FMN1: variants seen among roughly 807,000 people sequenced by gnomAD.
The protein encoded by FMN1 is formin-1.
FMN1 carries 110 observed loss-of-function variants against 132.4 expected under a neutral mutation model. The observed-to-expected ratio is 0.83, with a 90% confidence interval of 0.71 to 0.97. The LOEUF (loss-of-function observed/expected upper bound fraction) is 0.97, where lower values mean the gene tolerates loss of function less well. Among genes scored for constraint, FMN1 ranks in the 50% least tolerant of loss-of-function variants. The pLI, the probability that FMN1 is intolerant of heterozygous loss-of-function variation, is 0.00. For synonymous variants in FMN1, 722 were observed against 651.7 expected (o/e 1.11, Z -1.64); for missense variants, 1,792 against 1,705.3 (o/e 1.05, Z -0.90).
intron 7 of FMN1, among the ~76,000 whole-genome samples, chr15:32,993,482 G>T (rs1196045317): frequency 6.6e-6 from 1 of 152,082 alleles, no homozygotes; most frequent in Non-Finnish European, 1.5e-5. Context: ...ACTGCCCCCT[G>T]TCTACAGAGA....
At chr15:33,086,034 G>A (rs990468252) in intron 5 of FMN1, among the ~76,000 whole-genome samples, 1 of 152,048 alleles carries the variant, frequency 6.6e-6, no homozygotes, top group Non-Finnish European at 1.5e-5. Context: ...GGCGGATCAT[G>A]AGGCCAGGAG....
In FMN1 at chr15:32,899,762, T is replaced by C. The variant is rs1009357391; in HGVS notation, c.3654+217A>G. ...AGAGCACACGAAGATGGGAATTGAG[T>C]AATTGAAAATAAAGTCTAACGTGAA... is the stretch of plus-strand genomic sequence containing the variant. On this transcript the variant is annotated intron_variant, in intron 14 of 20. Transcript: ENST00000616417. The C allele has an allele frequency of 1.2e-5, 7 of 580,768 alleles. No individual in the cohort carries two copies. In the African/African-American group the frequency reaches 1.4e-4, roughly 12 times the overall value. 36.0% of individuals were successfully genotyped at this position (580,768 alleles called of 1,614,324 possible).
intron 4 of FMN1, among the ~76,000 whole-genome samples, chr15:33,100,556 A>T (rs1410039659): frequency 2.0e-5 from 3 of 152,204 alleles, no homozygotes; most frequent in Non-Finnish European, 2.9e-5. Context: ...AAAAAGAGGA[A>T]GAGAAGCAGT....
At chr15:32,918,004 CAT>C (rs2060726327) in intron 10 of FMN1, among the ~76,000 whole-genome samples, 1 of 152,056 alleles carries the variant, frequency 6.6e-6, no homozygotes, top group African/African-American at 2.4e-5. Context: ...GCTATTGCAA[CAT>C]ATGCAATGAA....
chr15:33,002,894 C>A (rs950724002), intron 7 of FMN1, among the ~76,000 whole-genome samples: 5 of 152,190 alleles, frequency 3.3e-5, no homozygotes, highest in African/African-American at 1.2e-4. Context: ...TTTAAAACTA[C>A]AGCTAAGTGT....
intron 3 of FMN1, among the ~76,000 whole-genome samples, chr15:33,161,927 A>C (rs906072794): frequency 2.8e-4 from 11 of 39,220 alleles, no homozygotes; most frequent in Admixed American, 8.7e-4. Flanking sequence ...CAAAAAACAA[A>C]AAAGAAAAAA....
At chr15:32,863,298 G>T (rs922809116) in intron 16 of FMN1, among the ~76,000 whole-genome samples, 1 of 152,304 alleles carries the variant, frequency 6.6e-6, no homozygotes, top group Admixed American at 6.5e-5. Context: ...TTAGCTGGGC[G>T]TGGTGGCGGG....
chr15:32,793,271 ATTTCTTTT>A (rs1342623100), intron 19 of FMN1, among the ~76,000 whole-genome samples: 1 of 150,690 alleles, frequency 6.6e-6, no homozygotes, highest in Non-Finnish European at 1.5e-5. Context: ...ATTATTTGTG[ATTTCTTTT>A]TTTCTTTTCT....
chr15:33,014,650 A>C (rs1158228808), intron 6 of FMN1, among the ~76,000 whole-genome samples: 1 of 152,238 alleles, frequency 6.6e-6, no homozygotes, highest in Non-Finnish European at 1.5e-5. Flanking sequence ...AGGAAAAAAA[A>C]ATGAAAGAAC....
intron 9 of FMN1, among the ~76,000 whole-genome samples, chr15:32,937,537 C>T (rs550335350): frequency 1.1e-4 from 17 of 152,340 alleles, no homozygotes; most frequent in Non-Finnish European, 2.2e-4. Context: ...TTTTCTATTC[C>T]ACCATCTTGA....
chr15:32,987,407 T>C (rs912294292), intron 7 of FMN1, among the ~76,000 whole-genome samples: 2 of 152,148 alleles, frequency 1.3e-5, no homozygotes, highest in African/African-American at 4.8e-5. Context: ...AATTACAAAC[T>C]ACTTCACACT....
chr15:33,194,331 C>T (rs1199324274), intron 1 of FMN1, among the ~76,000 whole-genome samples: 1 of 124,566 alleles, frequency 8.0e-6, no homozygotes, highest in Non-Finnish European at 1.6e-5. Context: ...TGAGAGTCAA[C>T]GACAGGAGTT....
chr15:32,867,258 C>T lies in FMN1; in HGVS notation c.3836-10151G>A, dbSNP rs76856163. ...CCCCTGCTTAAACCTGCAGGCACCT[C>T]TATTACTCTGAGAGGTTGTCTTCAA... On this transcript the variant is annotated intron_variant, in intron 16 of 20. Transcript: ENST00000616417. 3.9e-3 allele frequency among the ~76,000 whole-genome samples: 592 copies of T among 152,300 alleles called. 29 individuals carry two copies. In the East Asian group the frequency reaches 0.088, roughly 23 times the overall value.
chr15:33,099,159 C>T (rs1427323953), intron 4 of FMN1, among the ~76,000 whole-genome samples: 5 of 152,166 alleles, frequency 3.3e-5, no homozygotes, highest in East Asian at 3.9e-4. Flanking sequence ...GGTGGGGTGG[C>T]GCGCACCTGT....
chr15:33,020,686 C>T (rs748277649), intron 6 of FMN1, among the ~76,000 whole-genome samples: 8 of 151,104 alleles, frequency 5.3e-5, no homozygotes, highest in Non-Finnish European at 4.4e-5. Context: ...CTCTTTCATG[C>T]ATGTGCTCAG....
chr15:33,069,993 C>CTTTTTTTTTTTTTTT (rs1171369156), intron 5 of FMN1, among the ~76,000 whole-genome samples: 3 of 74,292 alleles, frequency 4.0e-5, no homozygotes, highest in African/African-American at 1.6e-4. Flanking sequence ...CAGTCTTTCT[C>CTTTTTTTTTTTTTTT]TTTTTTTTTT....
chr15:33,096,543 G>C (rs1318790360), intron 4 of FMN1, among the ~76,000 whole-genome samples: 1 of 152,042 alleles, frequency 6.6e-6, no homozygotes, highest in South Asian at 2.1e-4. Flanking sequence ...TTAGTACTGA[G>C]AAGGAGTCCT....
intron 17 of FMN1, among the ~76,000 whole-genome samples, chr15:32,805,492 G>A (rs1159035814): frequency 1.3e-5 from 2 of 152,128 alleles, no homozygotes; most frequent in Non-Finnish European, 2.9e-5. Flanking sequence ...CTGTGCAGAA[G>A]CTCTTTAGTT....
chr15:33,189,447 A>G (rs1965998216), intron 2 of FMN1, among the ~76,000 whole-genome samples: 1 of 152,142 alleles, frequency 6.6e-6, no homozygotes, highest in South Asian at 2.1e-4. Flanking sequence ...TAAAAAGAGA[A>G]AGGAGAATAA....
Sources: gnomAD v4.1 joint callset for allele counts (sites outside exome capture counted in the v4.1 genomes callset) on GRCh38, gnomAD v4.1.1 for gene constraint, MANE v1.5 for transcripts, NCBI Gene and HGNC (gene_info 2026-07-23, HGNC 2026-07-21) for gene names.